Variants in SLC25A37 observed in about 807,000 individuals in gnomAD.
The protein encoded by SLC25A37 is solute carrier family 25 member 37.
Under a neutral mutation model 31.0 loss-of-function variants are expected in SLC25A37, and 17 were observed. The observed-to-expected ratio is 0.55, with a 90% CI of 0.38 to 0.82. The LOEUF is 0.82. SLC25A37 is among the 40% of genes least tolerant of loss of function. SLC25A37 has a pLI of 0.00. For synonymous variants in SLC25A37, 222 were observed against 193.0 expected, an observed-to-expected ratio of 1.15 and a Z score of -1.24; for missense variants, 404 against 465.8, an observed-to-expected ratio of 0.87 and a Z score of 1.22.
intron 1 of SLC25A37, among the ~76,000 whole-genome samples, chr8:23,553,779 T>C (rs1802292108): frequency 6.6e-6 from 1 of 152,196 alleles, no homozygotes; most frequent in African/African-American, 2.4e-5. Flanking sequence ...ACCAGGGTTG[T>C]GGAACAGATA....
intron 1 of SLC25A37, among the ~76,000 whole-genome samples, chr8:23,558,805 T>C (rs976892050): frequency 6.6e-6 from 1 of 152,180 alleles, no homozygotes; most frequent in African/African-American, 2.4e-5. Flanking sequence ...AGGACACGTT[T>C]CTCCATCCTG....
In SLC25A37 at chr8:23,540,688, A is replaced by T. The variant is rs117375103; in HGVS notation, c.210+11476A>T. ...TTTTGAATTCGGACTAGTCGTGAAG[A>T]TTCCTTTCCAGATCATAGTATATGT... On this transcript the variant is annotated intron_variant, in intron 1 of 3. Transcript: ENST00000519973. 8.1e-3 allele frequency among the ~76,000 whole-genome samples: 1,235 copies of T among 152,312 alleles called. 16 individuals are homozygous for T. The highest frequency in any genetic ancestry group is 9.2e-3 in the Non-Finnish European group (628 of 68,024).
In SLC25A37 at chr8:23,571,408, G is replaced by A. The variant is rs778027325; in HGVS notation, c.570G>A (p.Arg190=). 6.2e-7 allele frequency: 1 copy of A among 1,613,872 alleles called. No homozygotes were observed. Among genetic ancestry groups the A allele is most frequent in the Non-Finnish European group, 8.5e-7 (1 of 1,179,818 alleles). The change falls in exon 4 of 4, where the codon AGG becomes AGA. Residue 190 remains arginine, a synonymous_variant. Coordinates refer to ENST00000519973, the MANE Select transcript of SLC25A37 (RefSeq NM_016612.4). ...SAISCIRTVW[R]TEGLGAFYRS... ...TCAGCTGCATCCGGACGGTGTGGAG[G>A]ACCGAGGGGTTGGGGGCCTTCTACC...
Position 23,546,513 on chromosome 8 carries a change from GTATATA to G in SLC25A37, c.210+17310_210+17315del, listed in dbSNP as rs1218216698. ...GGTGTGTGTGTATATATATATATAGGTATATATATATATAGGTGTATATATATATAT... is the reference window on the plus strand; with the variant it reads ...GGTGTGTGTGTATATATATATATAGGTATATATAGGTGTATATATATATAT... On this transcript the variant is annotated intron_variant, in intron 1 of 3. Coordinates refer to ENST00000519973, the MANE Select transcript of SLC25A37 (RefSeq NM_016612.4). 1.9e-3 allele frequency among the ~76,000 whole-genome samples: 130 copies of G among 67,664 alleles called. 3 individuals are homozygous for G. The highest frequency in any genetic ancestry group is 7.3e-3 in the African/African-American group (103 of 14,114). 44.4% of individuals were successfully genotyped at this position (67,664 alleles called of 152,430 possible). A position where few individuals can be genotyped will look rare whatever the true frequency, so the allele number is the denominator to read the frequency against.
At chr8:23,532,538 C>T (rs895223527) in intron 1 of SLC25A37, among the ~76,000 whole-genome samples, 2 of 152,170 alleles carry the variant, frequency 1.3e-5, no homozygotes, top group Admixed American at 6.5e-5. Flanking sequence ...GCACACCACT[C>T]GGAGACCATG....
At chr8:23,564,076 C>T (rs1802586469) in intron 1 of SLC25A37, among the ~76,000 whole-genome samples, 1 of 151,492 alleles carries the variant, frequency 6.6e-6, no homozygotes, top group African/African-American at 2.4e-5. Context: ...TTAAAAATGC[C>T]CTTTCTTTTA....
At chr8:23,563,711 G>T (rs1302704870) in intron 1 of SLC25A37, among the ~76,000 whole-genome samples, 2 of 152,234 alleles carry the variant, frequency 1.3e-5, no homozygotes, top group Admixed American at 1.3e-4. Context: ...GCCGGGTGCA[G>T]TGGCTCACGC....
At chr8:23,568,481 C>T (rs1802728136) in intron 3 of SLC25A37, 103 bp downstream of exon 3, 4 of 1,304,024 alleles carry the variant, frequency 3.1e-6, no homozygotes, top group Non-Finnish European at 4.4e-6. Context: ...CAGAGCGGCT[C>T]CTAGTCTCCA....
intron 1 of SLC25A37, among the ~76,000 whole-genome samples, chr8:23,561,373 C>G (rs1168287934): frequency 6.6e-6 from 1 of 152,196 alleles, no homozygotes; most frequent in African/African-American, 2.4e-5. Context: ...TGATGCCAGC[C>G]TCCAACTGGC....
chr8:23,529,040 T>G lies in SLC25A37; in HGVS notation c.38T>G (p.Val13Gly), dbSNP rs774537296. Residue 13 changes from valine to glycine, a missense_variant, in exon 1 of 4, where the codon GTG becomes GGG. Physicochemically the swap from Val to Gly is moderately radical, Grantham distance 109 (BLOSUM62 -3). Around this residue, in one of 3 missense-constraint regions of SLC25A37, gnomAD observed 154 missense variants for 153.6 expected, o/e 1.00. Transcript: ENST00000519973. This position sits in a 1 kb window ranked among gnomAD's most constrained non-coding sequence, Gnocchi z 4.1. The part of the protein sequence containing the change: ...LRSGSVGSQA[V>G]ARRMDGDSRD... ...AGCGGGAGCGTGGGCAGCCAGGCGG[T>G]GGCGCGGAGGATGGATGGGGACAGC... 1 of 1,557,328 alleles carries G rather than the reference T, an allele frequency of 6.4e-7. No homozygotes were observed. Among genetic ancestry groups the G allele is most frequent in the South Asian group, 1.2e-5 (1 of 84,434 alleles).
chr8:23,569,882 T>G (rs1477540569), intron 3 of SLC25A37, among the ~76,000 whole-genome samples: 1 of 152,188 alleles, frequency 6.6e-6, no homozygotes, highest in Non-Finnish European at 1.5e-5. Context: ...TCTTTTCACC[T>G]TTTTGCCTCA....
At chr8:23,532,422 G>A (rs954212963) in intron 1 of SLC25A37, among the ~76,000 whole-genome samples, 5 of 152,188 alleles carry the variant, frequency 3.3e-5, no homozygotes, top group African/African-American at 1.2e-4. Context: ...TTCCAGAGTG[G>A]CAAGGGGCAC....
intron 1 of SLC25A37, chr8:23,531,781 GC>G (rs1801666111): frequency 6.6e-6 from 1 of 152,210 alleles, no homozygotes; most frequent in South Asian, 2.1e-4. Flanking sequence ...CCTGGTGGAT[GC>G]TTCCCATTAT....
Position 23,573,098 on chromosome 8 carries a change from C to G in SLC25A37, c.*1243C>G, listed in dbSNP as rs1197266579. ...GTCTTTGTCCCTGTCTTGTCCCAAC[C>G]ATTAATTCTCATGTCACAGCTTCTC... On this transcript the variant is annotated 3_prime_UTR_variant, in exon 4 of 4. Transcript: ENST00000519973. 1 of 152,306 alleles carries G rather than the reference C, an allele frequency of 6.6e-6. No individual in the cohort carries two copies. The highest frequency in any genetic ancestry group is 1.5e-5 in the Non-Finnish European group (1 of 68,138). 9.4% of individuals were successfully genotyped at this position (152,306 alleles called of 1,614,324 possible).
chr8:23,559,159 C>T (rs770891424), intron 1 of SLC25A37, among the ~76,000 whole-genome samples: 1 of 152,186 alleles, frequency 6.6e-6, no homozygotes, highest in Non-Finnish European at 1.5e-5. Context: ...GGTTTCTTTC[C>T]GGAAGGATTT....
At chr8:23,539,204 A>G (rs886341478) in intron 1 of SLC25A37, among the ~76,000 whole-genome samples, 1 of 152,210 alleles carries the variant, frequency 6.6e-6, no homozygotes, top group African/African-American at 2.4e-5. Flanking sequence ...TGCTTGAAGC[A>G]AGGGTTGCAT....
At chr8:23,549,323 G>A (rs1005868053) in intron 1 of SLC25A37, among the ~76,000 whole-genome samples, 12 of 152,150 alleles carry the variant, frequency 7.9e-5, no homozygotes, top group African/African-American at 2.9e-4. Context: ...CTGGCCAGAC[G>A]GCTTTGGTTT....
intron 1 of SLC25A37, chr8:23,531,806 C>T (rs2002508): frequency 0.19 from 29,505 of 152,146 alleles, 2,940 homozygotes; most frequent in Non-Finnish European, 0.21. Flanking sequence ...ATTAAATTTG[C>T]TTCTTCGTGA....
At chr8:23,541,132 G>A (rs2117395668) in intron 1 of SLC25A37, among the ~76,000 whole-genome samples, 1 of 152,148 alleles carries the variant, frequency 6.6e-6, no homozygotes, top group African/African-American at 2.4e-5. Flanking sequence ...GGAAGAGCCA[G>A]TGCTGCTCAC....
Sources: allele counts gnomAD v4.1 joint callset (sites outside exome capture counted in the v4.1 genomes callset), GRCh38; gene constraint gnomAD v4.1.1; regional missense constraint gnomAD v4.1.1; non-coding constraint Gnocchi (gnomAD v3.1); transcripts MANE v1.5; gene names NCBI Gene and HGNC (gene_info 2026-07-23, HGNC 2026-07-21).